Variants in RPH3AL observed in about 807,000 individuals in gnomAD.
RPH3AL encodes the protein rabphilin 3A like (without C2 domains).
A neutral mutation model predicts 43.1 loss-of-function variants in RPH3AL; 38 were observed. That is an observed-to-expected ratio of 0.88 (90% CI 0.68 to 1.15). RPH3AL has a LOEUF of 1.15. Among genes scored for constraint, RPH3AL ranks in the 50% most tolerant of loss-of-function variants. RPH3AL has a pLI of 0.00. For synonymous variants in RPH3AL, 189 were observed against 176.3 expected (o/e 1.07, Z -0.57); for missense variants, 462 against 423.2 (o/e 1.09, Z -0.81).
intron 5 of RPH3AL, among the ~76,000 whole-genome samples, chr17:301,698 C>T (rs894124562): frequency 6.6e-6 from 1 of 152,148 alleles, no homozygotes; most frequent in Non-Finnish European, 1.5e-5. Flanking sequence ...CTCGGCCTCC[C>T]AAAGTCCTGG....
rs541958426 is a variant in RPH3AL at position 289,054 on chromosome 17, C to T, written c.352-7200G>A. On this transcript the variant is annotated intron_variant, in intron 5 of 9. Transcript: ENST00000331302. This position sits in a 1 kb window ranked among gnomAD's most constrained non-coding sequence, Gnocchi z 5.2. ...GGGGAGGGGGTTCCCCAGGGACCTG[C>T]CCACGGGACACAGGCTTTGGGGCAG... Among the ~76,000 whole-genome samples, 42 of 152,274 alleles carry T rather than the reference C, an allele frequency of 2.8e-4. No homozygotes were observed. Among genetic ancestry groups the T allele is most frequent in the Non-Finnish European group, 4.9e-4 (33 of 68,024 alleles).
intron 1 of RPH3AL, among the ~76,000 whole-genome samples, chr17:337,775 G>T (rs903205691): frequency 9.9e-5 from 15 of 152,058 alleles, no homozygotes; most frequent in African/African-American, 3.1e-4. Context: ...CTGGGCAGGG[G>T]TTTTTTTTGT....
rs894851058 is a variant in RPH3AL, at chr17:252,579, T to G, written c.439-5294A>C. On this transcript the variant is annotated intron_variant, in intron 6 of 9. Transcript: ENST00000331302. ...CATCGTTTTTCACTGCTCCACAGTT[T>G]GGATTTATTAAACTTAAGTAATCCA... 4.6e-5 allele frequency among the ~76,000 whole-genome samples: 7 copies of G among 152,274 alleles called. No individual in the cohort carries two copies. In the East Asian group the frequency reaches 1.4e-3, roughly 29 times the overall value.
chr17:273,931 C>T (rs1025755810), intron 6 of RPH3AL, among the ~76,000 whole-genome samples: 1 of 152,180 alleles, frequency 6.6e-6, no homozygotes, highest in African/African-American at 2.4e-5. Flanking sequence ...CACCCCCCCT[C>T]AGATAACATC....
chr17:282,436 G>C (rs898715080), intron 5 of RPH3AL, among the ~76,000 whole-genome samples: 1 of 152,146 alleles, frequency 6.6e-6, no homozygotes, highest in African/African-American at 2.4e-5. Context: ...TCACATGGCA[G>C]CCACGGATTC....
At chr17:227,446 G>T (rs181441186) in intron 7 of RPH3AL, among the ~76,000 whole-genome samples, 1 of 143,858 alleles carries the variant, frequency 7.0e-6, no homozygotes, top group African/African-American at 2.6e-5. Context: ...GCGTCATGCT[G>T]GCCGTGTGGC....
chr17:262,818 C>T (rs552042676), intron 6 of RPH3AL, among the ~76,000 whole-genome samples: 1 of 152,304 alleles, frequency 6.6e-6, no homozygotes, highest in Admixed American at 6.5e-5. Context: ...CAACTAGGGA[C>T]AGCCCCTATG....
rs116360696 is a variant in RPH3AL at position 272,784 on chromosome 17, A to T, written c.438+8984T>A. Among the ~76,000 whole-genome samples the T allele has an allele frequency of 4.9e-3, 739 of 151,564 alleles. 11 individuals carry two copies. The highest frequency in any genetic ancestry group is 0.017 in the African/African-American group (697 of 41,314). Reference sequence around the variant, plus strand: ...AAGTCACACACACACACACACACACACACACCAAAAAACCATGTAAGACCA... The same window carrying T: ...AAGTCACACACACACACACACACACTCACACCAAAAAACCATGTAAGACCA... On this transcript the variant is annotated intron_variant, in intron 6 of 9. Transcript: ENST00000331302.
chr17:286,339 C>T (rs1019580297), intron 5 of RPH3AL, among the ~76,000 whole-genome samples: 3 of 152,162 alleles, frequency 2.0e-5, no homozygotes, highest in East Asian at 1.9e-4. Context: ...GATCGCGCCT[C>T]GGGCAGCCTG....
rs761492757 is a variant in RPH3AL at position 321,256 on chromosome 17, C to A, written c.221+16G>T. The A allele has an allele frequency of 6.2e-7, 1 of 1,601,430 alleles. No homozygotes were observed. The highest frequency in any genetic ancestry group is 8.5e-7 in the Non-Finnish European group (1 of 1,177,942). On this transcript the variant is annotated intron_variant, in intron 4 of 9. Coordinates refer to ENST00000331302, the MANE Select transcript of RPH3AL (RefSeq NM_006987.4). Reference sequence around the variant, plus strand: ...CTTGCTGTCCTCCCACTGAGCTGGCCCCGGCCCCGCCTCACCCGATTCTCT... The same window carrying A: ...CTTGCTGTCCTCCCACTGAGCTGGCACCGGCCCCGCCTCACCCGATTCTCT...
Position 290,441 on chromosome 17 carries a change from T to C in RPH3AL, c.352-8587A>G, listed in dbSNP as rs1387812515. ...GACCATTCCCATGACGGCTCCTGCC[T>C]GCCTCCCCCGGGGTGCGTGCCGCGG... is the stretch of plus-strand genomic sequence containing the variant. On this transcript the variant is annotated intron_variant, in intron 5 of 9. Transcript: ENST00000331302. The surrounding 1 kb of genome is among the most constrained non-coding windows in gnomAD (Gnocchi z 4.2). Among the ~76,000 whole-genome samples the C allele has an allele frequency of 6.6e-6, 1 of 152,144 alleles. No individual in the cohort carries two copies. Among genetic ancestry groups the C allele is most frequent in the African/African-American group, 2.4e-5 (1 of 41,422 alleles).
Position 264,112 on chromosome 17 carries a change from C to T in RPH3AL, c.439-16827G>A, listed in dbSNP as rs533558358. On this transcript the variant is annotated intron_variant, in intron 6 of 9. Transcript: ENST00000331302. The surrounding 1 kb of genome is among the most constrained non-coding windows in gnomAD (Gnocchi z 4.8). ...GCCGGACTCTCCAAGAGCCTTGGAC[C>T]CACACCGATACTGAACAAGCTCAGC... Among the ~76,000 whole-genome samples the T allele has an allele frequency of 1.3e-5, 2 of 152,306 alleles. No individual in the cohort carries two copies. Among genetic ancestry groups the T allele is most frequent in the African/African-American group, 4.8e-5 (2 of 41,570 alleles).
intron 6 of RPH3AL, among the ~76,000 whole-genome samples, chr17:267,338 T>C (rs1339258857): frequency 6.6e-6 from 1 of 152,152 alleles, no homozygotes; most frequent in East Asian, 1.9e-4. Flanking sequence ...CCTGTTACAA[T>C]GGTGATTGGC....
chr17:258,219 C>T (rs1304530551), intron 6 of RPH3AL, among the ~76,000 whole-genome samples: 1 of 152,156 alleles, frequency 6.6e-6, no homozygotes, highest in Non-Finnish European at 1.5e-5. Context: ...CCAGGCTCCA[C>T]CAAACAGGAG....
intron 1 of RPH3AL, among the ~76,000 whole-genome samples, chr17:352,362 A>G (rs901958192): frequency 2.6e-5 from 4 of 152,054 alleles, no homozygotes; most frequent in African/African-American, 9.7e-5. Flanking sequence ...ATCTCTGTCC[A>G]CTGGGGTGTT....
At position 290,402 on chromosome 17, in the gene RPH3AL, G is replaced by A. The variant is rs979046776; in HGVS notation, c.352-8548C>T. ...GAATCCTTCACTGAGGGTGGGAAGC[G>A]GGGATGTTTACCAGACCATTCCCAT... is the stretch of plus-strand genomic sequence containing the variant. On this transcript the variant is annotated intron_variant, in intron 5 of 9. Coordinates refer to ENST00000331302, the MANE Select transcript of RPH3AL (RefSeq NM_006987.4). This position sits in a 1 kb window ranked among gnomAD's most constrained non-coding sequence, Gnocchi z 4.2. Among the ~76,000 whole-genome samples the A allele has an allele frequency of 4.6e-5, 7 of 151,950 alleles. No homozygotes were observed. The highest frequency in any genetic ancestry group is 1.0e-4 in the Non-Finnish European group (7 of 67,994).
At chr17:260,171 C>T (rs2042165686) in intron 6 of RPH3AL, among the ~76,000 whole-genome samples, 1 of 152,240 alleles carries the variant, frequency 6.6e-6, no homozygotes, top group Admixed American at 6.5e-5. Flanking sequence ...GCCTGTGCAC[C>T]TGCTGTTCCT....
chr17:296,587 C>T (rs80200671), intron 5 of RPH3AL, among the ~76,000 whole-genome samples: 12,584 of 152,216 alleles, frequency 0.083, 677 homozygotes, highest in South Asian at 0.13. Context: ...AGAGGCCAGG[C>T]GAGTCCCTCA....
intron 3 of RPH3AL, among the ~76,000 whole-genome samples, chr17:325,848 C>A (rs1483734368): frequency 6.6e-6 from 1 of 152,158 alleles, no homozygotes; most frequent in Admixed American, 6.5e-5. Context: ...GAGGGTCCCA[C>A]GGGACACAGC....
Sources: allele counts gnomAD v4.1 joint callset (sites outside exome capture counted in the v4.1 genomes callset), GRCh38; gene constraint gnomAD v4.1.1; non-coding constraint Gnocchi (gnomAD v3.1); transcripts MANE v1.5; gene names NCBI Gene and HGNC (gene_info 2026-07-23, HGNC 2026-07-21).